The following SYNPR variants were observed in gnomAD, a reference collection of about 807,000 sequenced individuals.
SYNPR encodes synaptoporin.
Under a neutral mutation model 32.9 loss-of-function variants are expected in SYNPR, and 23 were observed. The observed-to-expected ratio is 0.70, with a 90% CI of 0.50 to 0.99. The LOEUF is 0.99. Ranked by LOEUF, SYNPR falls within the 50% of genes least tolerant of loss-of-function variation. The pLI is 0.00. For missense variants in SYNPR, 318 were observed against 349.3 expected (o/e 0.91, Z 0.71); for synonymous variants, 146 against 135.9 (o/e 1.07, Z -0.52).
intron 2 of SYNPR, among the ~76,000 whole-genome samples, chr3:63,303,264 T>C (rs1391977528): frequency 6.6e-6 from 1 of 151,826 alleles, no homozygotes; most frequent in African/African-American, 2.4e-5. Context: ...AGTGCCTCAT[T>C]TGTTAATGTT....
intron 2 of SYNPR, among the ~76,000 whole-genome samples, chr3:63,261,152 G>A (rs1261754120): frequency 6.6e-6 from 1 of 152,144 alleles, no homozygotes; most frequent in African/African-American, 2.4e-5. Flanking sequence ...GTGGAAGTCA[G>A]TGTGGTGATT....
At chr3:63,529,922 A>G (rs972713349) in intron 3 of SYNPR, among the ~76,000 whole-genome samples, 1 of 152,130 alleles carries the variant, frequency 6.6e-6, no homozygotes, top group Non-Finnish European at 1.5e-5. Context: ...GGTAGGGATG[A>G]GGGGATGTGG....
intron 2 of SYNPR, among the ~76,000 whole-genome samples, chr3:63,434,081 CA>C (rs1450607990): frequency 6.6e-6 from 1 of 152,082 alleles, no homozygotes; most frequent in Non-Finnish European, 1.5e-5. Context: ...TGAAAACACT[CA>C]AATGTTATAC....
chr3:63,383,573 C>A (rs1401635361), intron 2 of SYNPR, among the ~76,000 whole-genome samples: 1 of 151,988 alleles, frequency 6.6e-6, no homozygotes, highest in East Asian at 1.9e-4. Flanking sequence ...AAAAATTAGC[C>A]AGGCATGATT....
At chr3:63,497,612 A>C (rs1701397443) in intron 3 of SYNPR, among the ~76,000 whole-genome samples, 1 of 151,430 alleles carries the variant, frequency 6.6e-6, no homozygotes, top group Non-Finnish European at 1.5e-5. Context: ...TGCCATTTCC[A>C]AATCTGAAAT....
chr3:63,584,077 A>G (rs1167630900), intron 4 of SYNPR, among the ~76,000 whole-genome samples: 2 of 152,004 alleles, frequency 1.3e-5, no homozygotes, highest in Non-Finnish European at 2.9e-5. Flanking sequence ...GGCATTTGCT[A>G]TTTCTTTTGC....
At chr3:63,408,075 C>T (rs960349142) in intron 2 of SYNPR, among the ~76,000 whole-genome samples, 29 of 150,226 alleles carry the variant, frequency 1.9e-4, no homozygotes, top group Admixed American at 1.1e-3. Flanking sequence ...GCAGGCTTTG[C>T]CTTGGCTTTT....
At chr3:63,297,118 C>T (rs1279164270) in intron 2 of SYNPR, among the ~76,000 whole-genome samples, 1 of 152,194 alleles carries the variant, frequency 6.6e-6, no homozygotes, top group Non-Finnish European at 1.5e-5. Context: ...ATGTGCTAAA[C>T]TTAAGCAAAT....
chr3:63,598,217 G>T (rs556277957), intron 4 of SYNPR, among the ~76,000 whole-genome samples: 1 of 152,306 alleles, frequency 6.6e-6, no homozygotes, highest in East Asian at 1.9e-4. Flanking sequence ...CAGTGGAGTT[G>T]CTTGTGCCAC....
At chr3:63,511,638 C>T (rs114468226) in intron 3 of SYNPR, among the ~76,000 whole-genome samples, 1,725 of 152,216 alleles carry the variant, frequency 0.011, 32 homozygotes, top group African/African-American at 0.039. Context: ...TTCTTTGTCT[C>T]TCTGAGCATG....
chr3:63,540,170 ATTTT>A (rs1559530556), intron 3 of SYNPR, among the ~76,000 whole-genome samples: 2 of 152,100 alleles, frequency 1.3e-5, no homozygotes, highest in Non-Finnish European at 2.9e-5. Flanking sequence ...ACACCTTATT[ATTTT>A]ATTCCTTATG....
intron 2 of SYNPR, among the ~76,000 whole-genome samples, chr3:63,376,633 T>C (rs975710581): frequency 6.6e-6 from 1 of 152,148 alleles, no homozygotes; most frequent in Non-Finnish European, 1.5e-5. Context: ...GAATCATTCT[T>C]TCACAGAATG....
chr3:63,211,472 T>C, the SYNPR span, among the ~76,000 whole-genome samples: 2 of 152,214 alleles, frequency 1.3e-5, no homozygotes, highest in African/African-American at 4.8e-5. Flanking sequence ...AGTATTCTGT[T>C]GAATCTTTGC....
intron 2 of SYNPR, among the ~76,000 whole-genome samples, chr3:63,376,201 G>A (rs947862978): frequency 6.6e-6 from 1 of 152,222 alleles, no homozygotes; most frequent in Non-Finnish European, 1.5e-5. Flanking sequence ...CTTCTAAGTC[G>A]TTCTAGTTTT....
At chr3:63,480,729 C>T (rs1470698035) in intron 2 of SYNPR, 103 bp from the exon 3 acceptor site, 5 of 1,419,700 alleles carry the variant, frequency 3.5e-6, no homozygotes, top group Non-Finnish European at 3.8e-6. Context: ...TTCAGAAGGA[C>T]CATAAATTCC....
At chr3:63,353,566 G>A (rs1026581068) in intron 2 of SYNPR, among the ~76,000 whole-genome samples, 1 of 152,214 alleles carries the variant, frequency 6.6e-6, no homozygotes, top group African/African-American at 2.4e-5. Flanking sequence ...GAATCGTGAT[G>A]TGGACAGATC....
In SYNPR at chr3:63,411,194, T is replaced by C. The variant is rs139336017; in HGVS notation, c.85-69638T>C. 5.9e-4 allele frequency among the ~76,000 whole-genome samples: 89 copies of C among 152,074 alleles called. 1 individual carries two copies. Among genetic ancestry groups the C allele is most frequent in the South Asian group, 4.6e-3 (22 of 4,822 alleles). ...AACAAATGACTAACTTAATGGTGTG[T>C]GGGTGGGTGGGAAGTTAAAGTCTGA... On this transcript the variant is annotated intron_variant, in intron 2 of 5. Transcript: ENST00000478300.
chr3:63,386,925 G>A (rs2107077859), intron 2 of SYNPR, among the ~76,000 whole-genome samples: 1 of 152,322 alleles, frequency 6.6e-6, no homozygotes, highest in South Asian at 2.1e-4. Flanking sequence ...AGTGGCCTCT[G>A]CTCTTCTTTC....
At chr3:63,250,126 A>G (rs1560168217) in intron 1 of SYNPR, among the ~76,000 whole-genome samples, 1 of 152,092 alleles carries the variant, frequency 6.6e-6, no homozygotes, top group Non-Finnish European at 1.5e-5. Context: ...GCATTGTAGG[A>G]TAAATATGGC....
Sources: gnomAD v4.1 joint callset for allele counts (sites outside exome capture counted in the v4.1 genomes callset) on GRCh38, gnomAD v4.1.1 for gene constraint, MANE v1.5 for transcripts, NCBI Gene and HGNC (gene_info 2026-07-23, HGNC 2026-07-21) for gene names.